Variants in ATP13A3 observed in about 807,000 individuals in gnomAD.
The protein encoded by ATP13A3 is ATPase 13A3, also known as polyamine-transporting ATPase 13A3.
In ATP13A3, 59 loss-of-function variants were observed where a neutral mutation model predicts 158.1. The observed-to-expected ratio is 0.37, with a 90% CI of 0.30 to 0.46. The LOEUF is 0.46. ATP13A3 is among the 20% of genes least tolerant of loss of function. The probability of loss-of-function intolerance (pLI) is 1.00; values close to 1 mark genes in which losing one functional copy is unlikely to be tolerated. For missense variants in ATP13A3, 1,166 were observed against 1,525.2 expected (o/e 0.76, Z 3.92); for synonymous variants, 491 against 504.3 (o/e 0.97, Z 0.35).
At chr3:194,487,125 C>A (rs1448253155), upstream of ATP13A3, 2 of 152,066 alleles carry the variant, frequency 1.3e-5, no homozygotes, top group Non-Finnish European at 2.9e-5. Flanking sequence ...GCCCCGCCCA[C>A]CCATCGCCTT....
intron 33 of ATP13A3, among the ~76,000 whole-genome samples, chr3:194,408,263 C>T (rs111397042): frequency 1.1e-4 from 17 of 152,312 alleles, no homozygotes; most frequent in African/African-American, 4.1e-4. Context: ...CGTGATCCAT[C>T]CACCTCAGCC....
At chr3:194,439,425 A>G (rs1183437868) in intron 16 of ATP13A3, among the ~76,000 whole-genome samples, 1 of 152,232 alleles carries the variant, frequency 6.6e-6, no homozygotes, top group Non-Finnish European at 1.5e-5. Context: ...AGAACAGGCT[A>G]AAGCACAAAG....
chr3:194,406,252 A>G, intron 33 of ATP13A3, 136 bp from the exon 34 acceptor site: 1 of 943,208 alleles, frequency 1.1e-6, no homozygotes, highest in Non-Finnish European at 1.5e-6. Context: ...AATGGGGGAA[A>G]AAAAAATCCA....
intron 31 of ATP13A3, among the ~76,000 whole-genome samples, chr3:194,417,788 T>G (rs1381670403): frequency 6.6e-6 from 1 of 151,848 alleles, no homozygotes; most frequent in African/African-American, 2.4e-5. Context: ...CCATTTATAA[T>G]TTTTATTACA....
intron 2 of ATP13A3, among the ~76,000 whole-genome samples, chr3:194,466,290 T>C (rs528865199): frequency 6.4e-4 from 98 of 152,224 alleles, no homozygotes; most frequent in African/African-American, 2.4e-3. Flanking sequence ...GAAACGTCAC[T>C]GAAACCAAAA....
intron 10 of ATP13A3, chr3:194,452,029 G>GGGCAA (rs1021507338): frequency 6.6e-6 from 1 of 152,240 alleles, no homozygotes; most frequent in African/African-American, 2.4e-5. Context: ...TTTTTCCAAA[G>GGGCAA]GGCAAGTATT....
chr3:194,408,021 C>CTT (rs778831468), intron 33 of ATP13A3, among the ~76,000 whole-genome samples: 6 of 138,306 alleles, frequency 4.3e-5, no homozygotes, highest in Admixed American at 7.3e-5. Context: ...AAGCTGTCAC[C>CTT]TTTTTTTTTT....
chr3:194,481,564 G>A (rs1189680255), intron 2 of ATP13A3, among the ~76,000 whole-genome samples: 1 of 151,972 alleles, frequency 6.6e-6, no homozygotes, highest in Non-Finnish European at 1.5e-5. Context: ...AATAATCCAT[G>A]ATCTCTCCGC....
intron 31 of ATP13A3, among the ~76,000 whole-genome samples, chr3:194,415,479 A>ACT (rs1223506959): frequency 6.6e-6 from 1 of 152,228 alleles, no homozygotes; most frequent in Non-Finnish European, 1.5e-5. Context: ...ATATGCAGGG[A>ACT]AACAGACATA....
intron 21 of ATP13A3, among the ~76,000 whole-genome samples, chr3:194,433,481 G>C (rs1717392913): frequency 6.6e-6 from 1 of 151,952 alleles, no homozygotes; most frequent in South Asian, 2.1e-4. Flanking sequence ...CTGACCTCAT[G>C]ATCCACCCGC....
intron 20 of ATP13A3, among the ~76,000 whole-genome samples, chr3:194,434,882 C>T (rs1401419860): frequency 6.6e-6 from 1 of 152,170 alleles, no homozygotes; most frequent in Non-Finnish European, 1.5e-5. Flanking sequence ...GTTTGTTCCA[C>T]TGCACTCTAG....
rs1472521629 is a variant in ATP13A3 at position 194,459,960 on chromosome 3, T to G, written c.237A>C (p.Lys79Asn). The G allele has an allele frequency of 6.2e-7, 1 of 1,612,248 alleles. No homozygotes were observed. Among genetic ancestry groups the G allele is most frequent in the South Asian group, 1.1e-5 (1 of 90,826 alleles). ...VVLLRTTDEF[K>N]MWFCAKIRVL... is the part of the protein sequence containing the mutation. ...CGCGAATTTTTGCACAAAACCACAT[T>G]TTGAATTCATCCTTAAAGAGAGAAA... Residue 79 changes from lysine to asparagine, a missense_variant, in exon 5 of 34, where the codon AAA becomes AAC. By Grantham distance (94) the Lys-to-Asn change is moderately conservative. Coordinates refer to ENST00000645319, the MANE Select transcript of ATP13A3 (RefSeq NM_001367549.1).
chr3:194,491,069 A>G (rs1022336324), upstream of ATP13A3, among the ~76,000 whole-genome samples: 1 of 152,140 alleles, frequency 6.6e-6, no homozygotes. Flanking sequence ...ACTTGAACCC[A>G]GGAGGCAGAG....
Position 194,415,957 on chromosome 3 carries a change from A to C in ATP13A3, c.3403-2118T>G, listed in dbSNP as rs1026264630. 2.6e-5 allele frequency among the ~76,000 whole-genome samples: 4 copies of C among 152,228 alleles called. No individual in the cohort carries two copies. In the East Asian group the frequency reaches 7.7e-4, roughly 29 times the overall value. On this transcript the variant is annotated intron_variant, in intron 31 of 33. Transcript: ENST00000645319. ...CCTGTCCGTAACATACAAGAAAAGAAAATTAAATCTGATCTCATTCATGCA... is the reference window on the plus strand; with the variant it reads ...CCTGTCCGTAACATACAAGAAAAGACAATTAAATCTGATCTCATTCATGCA...
chr3:194,478,894 AG>A (rs1334597191), intron 2 of ATP13A3, among the ~76,000 whole-genome samples: 10 of 152,214 alleles, frequency 6.6e-5, no homozygotes, highest in Non-Finnish European at 1.3e-4. Flanking sequence ...TGGCATGTAC[AG>A]GAACTAAAAC....
intron 1 of ATP13A3, among the ~76,000 whole-genome samples, 158 bp downstream of exon 1, chr3:194,486,408 G>A (rs1720975390): frequency 1.3e-5 from 2 of 151,034 alleles, no homozygotes; most frequent in Non-Finnish European, 1.5e-5. Flanking sequence ...CTCCTGCCCT[G>A]GCCTCACCTG....
At chr3:194,406,254 A>G (rs1714922158) in intron 33 of ATP13A3, 138 bp from the exon 34 acceptor site, 1 of 942,170 alleles carries the variant, frequency 1.1e-6, no homozygotes, top group Non-Finnish European at 1.5e-6. Context: ...TGGGGGAAAA[A>G]AAAATCCATG....
At chr3:194,441,021 C>T (rs7646502) in intron 16 of ATP13A3, among the ~76,000 whole-genome samples, 10,492 of 152,214 alleles carry the variant, frequency 0.069, 471 homozygotes, top group East Asian at 0.16. Context: ...ACTGGCTCTG[C>T]TCTACCCTCC....
chr3:194,492,662 G>A (rs1721159919), intron 2 of ATP13A3, among the ~76,000 whole-genome samples: 1 of 151,980 alleles, frequency 6.6e-6, no homozygotes, highest in African/African-American at 2.4e-5. Flanking sequence ...CACCATGTTG[G>A]CCAGGCTGGT....
Sources: gnomAD v4.1 joint callset for allele counts (sites outside exome capture counted in the v4.1 genomes callset) on GRCh38, gnomAD v4.1.1 for gene constraint, MANE v1.5 for transcripts, NCBI Gene and HGNC (gene_info 2026-07-23, HGNC 2026-07-21) for gene names.